The following MCC variants were observed in gnomAD, a reference collection of about 807,000 sequenced individuals.
MCC encodes the protein MCC regulator of Wnt signaling pathway.
MCC carries 90 observed loss-of-function variants against 116.2 expected under a neutral mutation model. The observed-to-expected ratio is 0.77, with a 90% CI of 0.65 to 0.92. MCC has a LOEUF of 0.92. Ranked by LOEUF, MCC falls within the 40% of genes least tolerant of loss-of-function variation. MCC has a pLI of 0.00. For missense variants in MCC, 1,516 were observed against 1,312.2 expected (o/e 1.16, Z -2.40); for synonymous variants, 578 against 510.5 (o/e 1.13, Z -1.78).
intron 8 of MCC, among the ~76,000 whole-genome samples, chr5:113,094,243 C>T (rs1755858604): frequency 6.6e-6 from 1 of 151,800 alleles, no homozygotes; most frequent in Non-Finnish European, 1.5e-5. Context: ...GCAATTTTGA[C>T]TAGATGGAAA....
chr5:113,298,078 T>A (rs1161788068), intron 3 of MCC, among the ~76,000 whole-genome samples: 1 of 152,146 alleles, frequency 6.6e-6, no homozygotes, highest in Non-Finnish European at 1.5e-5. Flanking sequence ...GTTATCTCTG[T>A]TAGAATAATA....
rs1750255230 is a variant in MCC, at chr5:113,022,986, T to A, written c.*4316A>T. On this transcript the variant is annotated 3_prime_UTR_variant, in exon 19 of 19. Coordinates refer to ENST00000408903, the MANE Select transcript of MCC (RefSeq NM_001085377.2). ...TGGTGATCTGCATGTGAAACTGTCTTTCTCTACACAGGTATTAGCAAAACA... is the reference window on the plus strand; with the variant it reads ...TGGTGATCTGCATGTGAAACTGTCTATCTCTACACAGGTATTAGCAAAACA... 1 of 152,216 alleles carries A rather than the reference T, an allele frequency of 6.6e-6. No homozygotes were observed. The allele number at this position is 152,216 out of a possible 1,614,324, so 9.4% of individuals were successfully genotyped here.
At chr5:113,249,662 T>C (rs1338341508) in intron 3 of MCC, among the ~76,000 whole-genome samples, 8 of 152,204 alleles carry the variant, frequency 5.3e-5, no homozygotes, top group African/African-American at 1.7e-4. Flanking sequence ...ATCTGTGTGT[T>C]TGGGGTGTAT....
At chr5:113,244,530 C>CA (rs1764498902) in intron 3 of MCC, among the ~76,000 whole-genome samples, 1 of 152,174 alleles carries the variant, frequency 6.6e-6, no homozygotes, top group African/African-American at 2.4e-5. Context: ...TAAAAAATAA[C>CA]AGCTTTAAAT....
chr5:113,183,105 C>T (rs554584302), intron 3 of MCC, among the ~76,000 whole-genome samples: 6 of 152,098 alleles, frequency 3.9e-5, no homozygotes, highest in Non-Finnish European at 7.4e-5. Flanking sequence ...ATACCAGGTC[C>T]GTGGCTGCCA....
intron 17 of MCC, among the ~76,000 whole-genome samples, chr5:113,038,833 A>G (rs1751492845): frequency 6.6e-6 from 1 of 152,188 alleles, no homozygotes; most frequent in Admixed American, 6.5e-5. Context: ...CTTCTGGTGG[A>G]TGAGTCAGGG....
intron 11 of MCC, among the ~76,000 whole-genome samples, chr5:113,080,823 A>G (rs1222171131): frequency 1.4e-5 from 2 of 146,382 alleles, no homozygotes; most frequent in Non-Finnish European, 3.0e-5. Context: ...AACAAAAAAA[A>G]AAAAGAAAAG....
At chr5:113,035,988 AT>A (rs1751303762) in intron 17 of MCC, among the ~76,000 whole-genome samples, 1 of 143,466 alleles carries the variant, frequency 7.0e-6, no homozygotes, top group Non-Finnish European at 1.5e-5. Flanking sequence ...TACTATCATG[AT>A]TCTCATTTTT....
chr5:113,028,415 A>G (rs1750728056), intron 18 of MCC, among the ~76,000 whole-genome samples: 1 of 152,140 alleles, frequency 6.6e-6, no homozygotes, highest in East Asian at 1.9e-4. Context: ...TAAAAACTTT[A>G]AATAATTTAT....
In MCC at chr5:113,043,550, C is replaced by T. The variant is rs1751869051; in HGVS notation, c.2736G>A (p.Glu912=). The part of the protein sequence containing the change: ...TTCSENELAA[E]FTNAIRREKK... ...CTTACCGACGAATGGCGTTGGTGAA[C>T]TCCGCAGCCAGCTCATTCTCGCTGC... Residue 912 remains glutamate, a synonymous_variant, in exon 17 of 19, where the codon GAG becomes GAA. Coordinates refer to ENST00000408903, the MANE Select transcript of MCC (RefSeq NM_001085377.2). 6.2e-7 allele frequency: 1 copy of T among 1,614,140 alleles called. No individual in the cohort carries two copies. Among genetic ancestry groups the T allele is most frequent in the Non-Finnish European group, 8.5e-7 (1 of 1,180,010 alleles).
At chr5:113,046,198 A>C (rs895231294) in intron 16 of MCC, among the ~76,000 whole-genome samples, 12 of 149,942 alleles carry the variant, frequency 8.0e-5, no homozygotes, top group African/African-American at 2.8e-4. Flanking sequence ...AAATTTTCTT[A>C]CTTTTTTTTT....
chr5:113,126,322 C>T (rs940342170), intron 5 of MCC, among the ~76,000 whole-genome samples: 12 of 152,122 alleles, frequency 7.9e-5, no homozygotes, highest in Admixed American at 6.5e-5. Flanking sequence ...CTGTTTTAGC[C>T]AGGACCACTA....
Position 113,071,183 on chromosome 5 carries a change from C to G in MCC, c.1836G>C (p.Glu612Asp), listed in dbSNP as rs958094096. The change falls in exon 12 of 19, where the codon GAG becomes GAC. Residue 612 changes from glutamate to aspartate, a missense_variant. Transcript: ENST00000408903. Reference protein sequence around the residue: ...SQNDLLTITLEECKSNAERMS... With the variant: ...SQNDLLTITLDECKSNAERMS... Reference sequence around the variant, plus strand: ...TCCTCTCGGCATTGCTTTTACATTCCTCCAAGGTTATGGTCAGGAGGTCAT... The same window carrying G: ...TCCTCTCGGCATTGCTTTTACATTCGTCCAAGGTTATGGTCAGGAGGTCAT... 1.9e-6 allele frequency: 3 copies of G among 1,614,054 alleles called. No individual in the cohort carries two copies. In the African/African-American group the frequency reaches 4.0e-5, roughly 22 times the overall value.
Position 113,354,760 on chromosome 5 carries a change from A to G in MCC, c.416-14030T>C, listed in dbSNP as rs1322625426. The stretch of plus-strand genomic sequence containing the variant: ...CTTTTTCTTTTAGACTTTTTATTGT[A>G]CTATGATCAACCATATACCCTGTAT... On this transcript the variant is annotated intron_variant, in intron 2 of 18. Transcript: ENST00000408903. Among the ~76,000 whole-genome samples, 4 of 141,246 alleles carry G rather than the reference A, an allele frequency of 2.8e-5. No individual in the cohort carries two copies. In the East Asian group the frequency reaches 7.8e-4, roughly 28 times the overall value. The allele number at this position is 141,246 out of a possible 152,430, so 92.7% of individuals were successfully genotyped here.
Position 113,288,496 on chromosome 5 carries a change from G to A in MCC, c.627+52023C>T, listed in dbSNP as rs542301854. On this transcript the variant is annotated intron_variant, in intron 3 of 18. Transcript: ENST00000408903. ...ATGAGGATCACAACTATTCCTTATC[G>A]ACGAATCTGCTTTTAGGGCTCTGGA... Among the ~76,000 whole-genome samples the A allele has an allele frequency of 6.6e-5, 10 of 152,148 alleles. No homozygotes were observed. The South Asian group carries it at 1.2e-3, about 19-fold the overall frequency.
chr5:113,203,982 G>A (rs1288622749), intron 3 of MCC, among the ~76,000 whole-genome samples: 2 of 152,294 alleles, frequency 1.3e-5, no homozygotes, highest in East Asian at 3.9e-4. Flanking sequence ...ACGCCAAACT[G>A]AGTACAGGCT....
At chr5:113,118,186 A>T (rs1031868543) in intron 6 of MCC, among the ~76,000 whole-genome samples, 1 of 152,232 alleles carries the variant, frequency 6.6e-6, no homozygotes, top group Non-Finnish European at 1.5e-5. Flanking sequence ...TGCTTGACAC[A>T]GGGTAAGTGA....
chr5:113,096,684 G>A (rs2150251506), intron 8 of MCC, among the ~76,000 whole-genome samples: 1 of 152,270 alleles, frequency 6.6e-6, no homozygotes, highest in East Asian at 1.9e-4. Flanking sequence ...GCTCTTAGGT[G>A]GTGGATGGCC....
intron 1 of MCC, among the ~76,000 whole-genome samples, chr5:113,427,180 T>C (rs557956044): frequency 6.6e-6 from 1 of 152,236 alleles, no homozygotes; most frequent in Non-Finnish European, 1.5e-5. Flanking sequence ...GAATGTATCA[T>C]ATAAAGGATA....
Sources: gnomAD v4.1 joint callset for allele counts (sites outside exome capture counted in the v4.1 genomes callset) on GRCh38, gnomAD v4.1.1 for gene constraint, MANE v1.5 for transcripts, NCBI Gene and HGNC (gene_info 2026-07-23, HGNC 2026-07-21) for gene names.